SYNJ2: variants seen among roughly 807,000 people sequenced by gnomAD.
The protein encoded by SYNJ2 is polyphosphatidylinositol phosphatase SYNJ2.
A neutral mutation model predicts 141.3 loss-of-function variants in SYNJ2; 116 were observed. That is an observed-to-expected ratio of 0.82 (90% CI 0.71 to 0.96). The LOEUF (loss-of-function observed/expected upper bound fraction) is 0.96. Among genes scored for constraint, SYNJ2 ranks in the 40% least tolerant of loss-of-function variants. SYNJ2 has a pLI of 0.00. For missense variants in SYNJ2, 1,873 were observed against 1,934.8 expected (o/e 0.97, Z 0.60); for synonymous variants, 745 against 777.7 (o/e 0.96, Z 0.70).
At chr6:158,079,571 A>G (rs1333214222) in intron 18 of SYNJ2, among the ~76,000 whole-genome samples, 1 of 151,924 alleles carries the variant, frequency 6.6e-6, no homozygotes, top group East Asian at 1.9e-4. Context: ...CGGTTTTGCC[A>G]TGTTAGCCAG....
At chr6:158,046,365 G>A (rs1246142368) in intron 5 of SYNJ2, among the ~76,000 whole-genome samples, 1 of 152,196 alleles carries the variant, frequency 6.6e-6, no homozygotes, top group Admixed American at 6.5e-5. Context: ...CATCATCAAA[G>A]AGAGATGAAG....
At chr6:158,082,870 T>G (rs1465298104) in intron 20 of SYNJ2, among the ~76,000 whole-genome samples, 1 of 152,338 alleles carries the variant, frequency 6.6e-6, no homozygotes, top group South Asian at 2.1e-4. Context: ...AGCTCATAGA[T>G]AGTTTCCGTT....
At position 158,043,409 on chromosome 6, in the gene SYNJ2, GA is replaced by G. The variant is rs1316268507; in HGVS notation, c.795+16del. ...ACAGCCAGGGCTTCAGGTAGGTCAT[GA>G]AAAAACTTAAATGTCCCCTTGTGAT... On this transcript the variant is annotated intron_variant, in intron 5 of 26. Coordinates refer to ENST00000355585, the MANE Select transcript of SYNJ2 (RefSeq NM_003898.4). The surrounding 1 kb of genome is among the most constrained non-coding windows in gnomAD (Gnocchi z 4.0). The G allele has an allele frequency of 2.5e-6, 4 of 1,611,092 alleles. No individual in the cohort carries two copies. Among genetic ancestry groups the G allele is most frequent in the Non-Finnish European group, 2.5e-6 (3 of 1,177,650 alleles).
At chr6:158,005,368 C>T (rs1165016889) in intron 1 of SYNJ2, among the ~76,000 whole-genome samples, 1 of 152,206 alleles carries the variant, frequency 6.6e-6, no homozygotes, top group African/African-American at 2.4e-5. Context: ...TGAGCCACCA[C>T]GCCCGGCCCC....
rs1781445463 is a variant in SYNJ2, at chr6:158,064,645, C to T, written c.1254C>T (p.Pro418=). The change falls in exon 10 of 27, where the codon CCC becomes CCT. Residue 418 remains proline (P), a synonymous_variant. Transcript: ENST00000355585. The stretch of plus-strand genomic sequence containing the variant: ...AGACCCTGGGGCTGAGTTCAAAACC[C>T]ATCGTTGACCGCTTTGTGGAGTCCT... ...QLKTLGLSSK[P]IVDRFVESFK... The T allele has an allele frequency of 6.2e-7, 1 of 1,613,990 alleles. No individual in the cohort carries two copies. The highest frequency in any genetic ancestry group is 1.3e-5 in the African/African-American group (1 of 74,932).
intron 25 of SYNJ2, among the ~76,000 whole-genome samples, chr6:158,091,606 G>A (rs1054676921): frequency 7.9e-5 from 12 of 151,916 alleles, no homozygotes; most frequent in Non-Finnish European, 1.2e-4. Context: ...AAAATTAGCC[G>A]GGCGTGGTGG....
chr6:158,042,093 G>T (rs78645540), intron 4 of SYNJ2, among the ~76,000 whole-genome samples: 3 of 152,238 alleles, frequency 2.0e-5, no homozygotes, highest in Non-Finnish European at 4.4e-5. Context: ...GGGCACACAC[G>T]CCGGTCAGTT....
At chr6:158,053,642 C>T (rs1780691501) in intron 5 of SYNJ2, among the ~76,000 whole-genome samples, 1 of 151,478 alleles carries the variant, frequency 6.6e-6, no homozygotes. Flanking sequence ...ACCTATCCAC[C>T]TACTTGTCTA....
chr6:158,056,474 G>A (rs893199483), intron 6 of SYNJ2, among the ~76,000 whole-genome samples: 6 of 152,194 alleles, frequency 3.9e-5, no homozygotes, highest in East Asian at 1.9e-4. Context: ...TCTTACCCAC[G>A]ACACTGGGCT....
At chr6:158,005,132 C>T (rs899761987) in intron 1 of SYNJ2, among the ~76,000 whole-genome samples, 2 of 149,140 alleles carry the variant, frequency 1.3e-5, no homozygotes, top group East Asian at 2.0e-4. Flanking sequence ...GGCTGGAGTG[C>T]AGTGGCGCGA....
intron 1 of SYNJ2, among the ~76,000 whole-genome samples, chr6:158,014,295 T>C (rs1298027411): frequency 6.6e-6 from 1 of 152,238 alleles, no homozygotes; most frequent in Non-Finnish European, 1.5e-5. Context: ...TTTCAACCTA[T>C]CCTGGGTTTA....
At chr6:158,061,574 G>A (rs1781221840) in intron 7 of SYNJ2, among the ~76,000 whole-genome samples, 1 of 152,118 alleles carries the variant, frequency 6.6e-6, no homozygotes, top group South Asian at 2.1e-4. Flanking sequence ...GGTTACTAGG[G>A]CAACGGGGAG....
chr6:157,998,308 G>A (rs573468506), intron 1 of SYNJ2, among the ~76,000 whole-genome samples: 1 of 152,318 alleles, frequency 6.6e-6, no homozygotes, highest in African/African-American at 2.4e-5. Context: ...GACATTCCAT[G>A]TTACAAGAGT....
chr6:158,095,756 G>T lies in SYNJ2; in HGVS notation c.3883G>T (p.Gly1295Trp). The change falls in exon 27 of 27, where the codon GGG becomes TGG. Residue 1295 changes from glycine to tryptophan, a missense_variant. Gly to Trp is a radical substitution (Grantham distance 184). Transcript: ENST00000355585. ...TCCCAAACCAAGAACATTTCAGCCTGGGAAAGCTGCAGAGAGGCCAAGCCA... is the reference window on the plus strand; with the variant it reads ...TCCCAAACCAAGAACATTTCAGCCTTGGAAAGCTGCAGAGAGGCCAAGCCA... ...PVPKPRTFQP[G>W]KAAERPSHRK... 1 of 1,614,176 alleles carries T rather than the reference G, an allele frequency of 6.2e-7. No individual in the cohort carries two copies. The highest frequency in any genetic ancestry group is 8.5e-7 in the Non-Finnish European group (1 of 1,180,030).
At chr6:158,028,399 G>T in intron 2 of SYNJ2, 1 of 276,778 alleles carries the variant, frequency 3.6e-6, no homozygotes, top group Non-Finnish European at 6.9e-6. Context: ...GTCTGGAAGG[G>T]CTCTAGGCCA....
At chr6:158,080,458 G>A (rs1782599955) in intron 18 of SYNJ2, among the ~76,000 whole-genome samples, 1 of 146,016 alleles carries the variant, frequency 6.8e-6, no homozygotes, top group Non-Finnish European at 1.5e-5. Context: ...CTGGACAACA[G>A]AGGGAGACTC....
chr6:158,085,855 T>G (rs1025313590), intron 22 of SYNJ2, among the ~76,000 whole-genome samples: 6 of 151,998 alleles, frequency 3.9e-5, no homozygotes, highest in Non-Finnish European at 5.9e-5. Flanking sequence ...TCGCGGTGGT[T>G]CTGCACGTTG....
At position 158,093,110 on chromosome 6, in the gene SYNJ2, AG is replaced by A. The variant is rs1192376868; in HGVS notation, c.3744+7del. 3.7e-6 allele frequency: 6 copies of A among 1,608,524 alleles called. No homozygotes were observed. The highest frequency in any genetic ancestry group is 5.1e-6 in the Non-Finnish European group (6 of 1,178,558). ...CCTTGAGAAGGACAGGAAAGGTAAA[AG>A]CCTGGTAACATAAAACCTCTTACTC... On this transcript the variant is annotated splice_region_variant and intron_variant, in intron 26 of 26. Transcript: ENST00000355585.
At chr6:158,057,770 G>C (rs1462341592) in intron 6 of SYNJ2, among the ~76,000 whole-genome samples, 1 of 152,216 alleles carries the variant, frequency 6.6e-6, no homozygotes, top group African/African-American at 2.4e-5. Context: ...GGCCACGGTG[G>C]GCTCCCTCAC....
Sources: gnomAD v4.1 joint callset for allele counts (sites outside exome capture counted in the v4.1 genomes callset) on GRCh38, gnomAD v4.1.1 for gene constraint, Gnocchi (gnomAD v3.1) non-coding constraint, MANE v1.5 for transcripts, NCBI Gene and HGNC (gene_info 2026-07-23, HGNC 2026-07-21) for gene names.